Variants in FAM120A observed in about 807,000 individuals in gnomAD.
FAM120A encodes the protein family with sequence similarity 120 member A.
Under a neutral mutation model 109.7 loss-of-function variants are expected in FAM120A, and 15 were observed. The ratio of observed to expected loss-of-function variants is 0.14; its 90% confidence interval spans 0.09 to 0.21. The LOEUF (loss-of-function observed/expected upper bound fraction) is 0.21. Ranked by LOEUF, FAM120A falls within the 10% of genes least tolerant of loss-of-function variation. The probability of loss-of-function intolerance (pLI) is 1.00; values close to 1 mark genes in which losing one functional copy is unlikely to be tolerated. For synonymous variants in FAM120A, 493 were observed against 572.8 expected (o/e 0.86, Z 1.99); for missense variants, 899 against 1,439.3 (o/e 0.62, Z 6.07).
chr9:93,549,164 GT>G (rs1181230420), intron 11 of FAM120A, among the ~76,000 whole-genome samples: 1 of 152,176 alleles, frequency 6.6e-6, no homozygotes, highest in East Asian at 1.9e-4. Flanking sequence ...AATATTGATG[GT>G]TTAATTAAAT....
intron 10 of FAM120A, 26 bp from the exon 11 acceptor site, chr9:93,543,196 T>A: frequency 6.2e-7 from 1 of 1,608,900 alleles, no homozygotes; most frequent in South Asian, 1.1e-5. Flanking sequence ...CATGAATGTG[T>A]CTTCTCTGGC....
Position 93,561,097 on chromosome 9 carries a change from T to C in FAM120A, c.2807-12T>C, listed in dbSNP as rs1359809355. 1.2e-6 allele frequency: 2 copies of C among 1,612,008 alleles called. No individual in the cohort carries two copies. Among genetic ancestry groups the C allele is most frequent in the Admixed American group, 1.7e-5 (1 of 59,840 alleles). On this transcript the variant is annotated splice_polypyrimidine_tract_variant and intron_variant, in intron 15 of 17. Coordinates refer to ENST00000277165, the MANE Select transcript of FAM120A (RefSeq NM_014612.5). ...TGTAAAGATTTTGTCTTTTTGTATATTTTTTATGCAGGAGTCCAACCTATA... is the reference window on the plus strand; with the variant it reads ...TGTAAAGATTTTGTCTTTTTGTATACTTTTTATGCAGGAGTCCAACCTATA...
At position 93,498,947 on chromosome 9, in the gene FAM120A, AT is replaced by A. The variant is rs1171564331; in HGVS notation, c.1030+63del. 2 of 1,024,646 alleles carry A rather than the reference AT, an allele frequency of 2.0e-6. No homozygotes were observed. Among genetic ancestry groups the A allele is most frequent in the African/African-American group, 3.2e-5 (2 of 63,010 alleles). The allele number at this position is 1,024,646 out of a possible 1,614,324, so 63.5% of individuals were successfully genotyped here. Reference sequence around the variant, plus strand: ...TATGATAATCCAAGTAGGTTTAAATATTCACCATATAATCTTGTAGGTTTAT... The same window carrying A: ...TATGATAATCCAAGTAGGTTTAAATATCACCATATAATCTTGTAGGTTTAT... On this transcript the variant is annotated intron_variant, in intron 5 of 17. Coordinates refer to ENST00000277165, the MANE Select transcript of FAM120A (RefSeq NM_014612.5). The surrounding 1 kb of genome is among the most constrained non-coding windows in gnomAD (Gnocchi z 4.4).
At chr9:93,531,666 A>T (rs1359938144) in intron 9 of FAM120A, among the ~76,000 whole-genome samples, 2 of 152,250 alleles carry the variant, frequency 1.3e-5, no homozygotes, top group Admixed American at 1.3e-4. Flanking sequence ...GAAGCCTAAC[A>T]CACGAGGTGG....
chr9:93,519,836 G>A (rs1860767269), intron 7 of FAM120A, among the ~76,000 whole-genome samples: 1 of 152,108 alleles, frequency 6.6e-6, no homozygotes, highest in South Asian at 2.1e-4. Context: ...AAAGAAAAAA[G>A]CTTCCTATGA....
chr9:93,476,965 G>A (rs1172622203), intron 3 of FAM120A, among the ~76,000 whole-genome samples: 1 of 152,228 alleles, frequency 6.6e-6, no homozygotes, highest in East Asian at 1.9e-4. Context: ...AGATATGCAC[G>A]AGGCACTGGA....
At chr9:93,492,963 C>A (rs114594158) in intron 3 of FAM120A, among the ~76,000 whole-genome samples, 112 of 152,276 alleles carry the variant, frequency 7.4e-4, no homozygotes, top group African/African-American at 2.6e-3. Flanking sequence ...TGTAAGCCAT[C>A]GTCATGGGCT....
At chr9:93,504,572 G>A (rs1859948929) in intron 5 of FAM120A, among the ~76,000 whole-genome samples, 1 of 152,122 alleles carries the variant, frequency 6.6e-6, no homozygotes, top group Non-Finnish European at 1.5e-5. Flanking sequence ...CATATAGCAT[G>A]TACTCCTCTG....
At chr9:93,510,754 G>A (rs1008708468) in intron 5 of FAM120A, among the ~76,000 whole-genome samples, 7 of 151,984 alleles carry the variant, frequency 4.6e-5, no homozygotes, top group African/African-American at 1.2e-4. Flanking sequence ...AACCAGCCTT[G>A]ATGAGATGTA....
chr9:93,467,527 C>G (rs1233447096), intron 1 of FAM120A, among the ~76,000 whole-genome samples: 1 of 152,066 alleles, frequency 6.6e-6, no homozygotes, highest in Non-Finnish European at 1.5e-5. Context: ...TTTCCCTCCC[C>G]CCGACCCTCT....
At chr9:93,483,055 A>G (rs1306653461) in intron 3 of FAM120A, among the ~76,000 whole-genome samples, 1 of 152,180 alleles carries the variant, frequency 6.6e-6, no homozygotes, top group African/African-American at 2.4e-5. Context: ...ATCTTTCTGA[A>G]ATCTTTTTTT....
intron 13 of FAM120A, 32 bp from the exon 14 acceptor site, chr9:93,557,794 TG>T: frequency 6.3e-7 from 1 of 1,596,280 alleles, no homozygotes; most frequent in Non-Finnish European, 8.6e-7. Context: ...CCCCTGTGGA[TG>T]GCATTTTCAC....
intron 7 of FAM120A, among the ~76,000 whole-genome samples, chr9:93,520,751 G>T (rs1860812610): frequency 6.6e-6 from 1 of 152,220 alleles, no homozygotes; most frequent in African/African-American, 2.4e-5. Flanking sequence ...TCATTGCACA[G>T]GAGCCTCATA....
chr9:93,491,350 T>C (rs1406628102), intron 3 of FAM120A, among the ~76,000 whole-genome samples: 1 of 152,250 alleles, frequency 6.6e-6, no homozygotes, highest in African/African-American at 2.4e-5. Context: ...GAGATAGCCC[T>C]GTGGCATGCT....
At chr9:93,474,680 G>A (rs1046140600) in intron 2 of FAM120A, among the ~76,000 whole-genome samples, 4 of 151,854 alleles carry the variant, frequency 2.6e-5, no homozygotes, top group Non-Finnish European at 5.9e-5. Flanking sequence ...TGCAAGCTCC[G>A]CCTCCCAGGT....
chr9:93,510,437 G>A (rs1026107857), intron 5 of FAM120A, among the ~76,000 whole-genome samples: 5 of 152,148 alleles, frequency 3.3e-5, no homozygotes, highest in African/African-American at 9.7e-5. Context: ...TGTTAATGGC[G>A]TTTCAATATT....
At chr9:93,490,252 T>A (rs1368051685) in intron 3 of FAM120A, among the ~76,000 whole-genome samples, 2 of 152,226 alleles carry the variant, frequency 1.3e-5, no homozygotes, top group Non-Finnish European at 2.9e-5. Flanking sequence ...GTGAAACCTG[T>A]ATTTATATTC....
At chr9:93,464,895 A>T (rs765080233) in intron 1 of FAM120A, among the ~76,000 whole-genome samples, 9 of 152,250 alleles carry the variant, frequency 5.9e-5, no homozygotes, top group Non-Finnish European at 7.3e-5. Flanking sequence ...TAATCTGAAC[A>T]TTGCGTTTAA....
In FAM120A at chr9:93,452,311, G is replaced by A; in HGVS notation, c.396G>A (p.Pro132=). 1 of 1,612,960 alleles carries A rather than the reference G, an allele frequency of 6.2e-7. No homozygotes were observed. Among genetic ancestry groups the A allele is most frequent in the Non-Finnish European group, 8.5e-7 (1 of 1,179,868 alleles). Residue 132 remains proline, a synonymous_variant, in exon 1 of 18, where the codon CCG becomes CCA. Coordinates refer to ENST00000277165, the MANE Select transcript of FAM120A (RefSeq NM_014612.5). This position sits in a 1 kb window ranked among gnomAD's most constrained non-coding sequence, Gnocchi z 7.0. ...GCCATGTCCAGAACAAGGGCACCCC[G>A]CCGCCAAAGGTCTGGTTCCTGCCGC... ...IVSHVQNKGT[P]PPKVWFLPPV...
Sources: allele counts gnomAD v4.1 joint callset (sites outside exome capture counted in the v4.1 genomes callset), GRCh38; gene constraint gnomAD v4.1.1; non-coding constraint Gnocchi (gnomAD v3.1); transcripts MANE v1.5; gene names NCBI Gene and HGNC (gene_info 2026-07-23, HGNC 2026-07-21).